USO1: variants seen among roughly 807,000 people sequenced by gnomAD.
USO1 encodes the protein general vesicular transport factor p115.
Under a neutral mutation model 124.5 loss-of-function variants are expected in USO1, and 57 were observed. That is an observed-to-expected ratio of 0.46 (90% CI 0.37 to 0.57). The LOEUF (loss-of-function observed/expected upper bound fraction) is 0.57. Ranked by LOEUF, USO1 falls within the 20% of genes least tolerant of loss-of-function variation. USO1 has a pLI of 0.00. For synonymous variants in USO1, 369 were observed against 362.8 expected, an observed-to-expected ratio of 1.02 and a Z score of -0.19; for missense variants, 900 against 1,040.6, an observed-to-expected ratio of 0.86 and a Z score of 1.86.
At chr4:75,810,299 A>C in intron 21 of USO1, 133 bp from the exon 22 acceptor site, 1 of 1,029,110 alleles carries the variant, frequency 9.7e-7, no homozygotes, top group Non-Finnish European at 1.3e-6. Flanking sequence ...GTTGCACATA[A>C]ATACATAAGG....
chr4:75,736,206 C>T (rs976271826), intron 1 of USO1, among the ~76,000 whole-genome samples: 2 of 150,818 alleles, frequency 1.3e-5, no homozygotes, highest in African/African-American at 2.4e-5. Flanking sequence ...GACCTTTATA[C>T]GTAATCATGC....
At chr4:75,792,326 T>C (rs1456061628) in intron 12 of USO1, among the ~76,000 whole-genome samples, 2 of 152,004 alleles carry the variant, frequency 1.3e-5, no homozygotes, top group South Asian at 4.1e-4. Flanking sequence ...CACCTGAAGG[T>C]AGGAGTTCAA....
At chr4:75,749,309 C>T (rs1402644681) in intron 1 of USO1, among the ~76,000 whole-genome samples, 1 of 151,930 alleles carries the variant, frequency 6.6e-6, no homozygotes, top group Non-Finnish European at 1.5e-5. Context: ...ATTTGAACAC[C>T]ATTAATTCAG....
chr4:75,749,901 G>A (rs993820256), intron 1 of USO1, among the ~76,000 whole-genome samples: 4 of 151,768 alleles, frequency 2.6e-5, no homozygotes, highest in Non-Finnish European at 4.4e-5. Flanking sequence ...ACAGGCACCC[G>A]TCACCAGGCC....
intron 1 of USO1, among the ~76,000 whole-genome samples, chr4:75,737,823 A>G (rs1720837627): frequency 6.6e-6 from 1 of 151,592 alleles, no homozygotes; most frequent in Admixed American, 6.6e-5. Context: ...ATACATTATT[A>G]TTATTATTAT....
intron 10 of USO1, among the ~76,000 whole-genome samples, chr4:75,789,841 C>G (rs1304942300): frequency 6.6e-6 from 1 of 151,390 alleles, no homozygotes; most frequent in Non-Finnish European, 1.5e-5. Context: ...ATTTAAAATG[C>G]CTGTCAAGTG....
At chr4:75,811,409 GC>G (rs528242659) in intron 22 of USO1, among the ~76,000 whole-genome samples, 2 of 151,526 alleles carry the variant, frequency 1.3e-5, no homozygotes, top group Non-Finnish European at 2.9e-5. Flanking sequence ...GCCCGCATTG[GC>G]CCCCCCCAAA....
intron 22 of USO1, among the ~76,000 whole-genome samples, chr4:75,810,832 G>A (rs1373970515): frequency 2.0e-5 from 3 of 152,114 alleles, no homozygotes; most frequent in Non-Finnish European, 4.4e-5. Context: ...CCAGGTTCAA[G>A]CAATTCTCCC....
At chr4:75,790,278 A>G in intron 11 of USO1, 40 bp downstream of exon 11, 1 of 1,556,372 alleles carries the variant, frequency 6.4e-7, no homozygotes, top group Non-Finnish European at 8.7e-7. Context: ...TGAGGAAGTA[A>G]AAACTTTGGG....
Position 75,724,804 on chromosome 4 carries a change from G to A in USO1, c.-16G>A. On this transcript the variant is annotated 5_prime_UTR_variant, in exon 1 of 24. It adds an upstream start codon to the 5' untranslated region. Coordinates refer to ENST00000514213, the MANE Select transcript of USO1 (RefSeq NM_003715.4). ...TTTTCCGGAGGGGCCGGTAAACCTG[G>A]TGGCTGAACGGCAAGATGAATTTCC... 1 of 1,613,880 alleles carries A rather than the reference G, an allele frequency of 6.2e-7. No homozygotes were observed. Among genetic ancestry groups the A allele is most frequent in the Non-Finnish European group, 8.5e-7 (1 of 1,179,842 alleles).
intron 4 of USO1, among the ~76,000 whole-genome samples, chr4:75,761,241 T>G (rs183846946): frequency 7.2e-5 from 11 of 152,328 alleles, no homozygotes; most frequent in Admixed American, 6.5e-4. Context: ...AAAAAAGTTT[T>G]TAGACAGTTC....
intron 4 of USO1, among the ~76,000 whole-genome samples, chr4:75,763,303 G>A (rs1721675688): frequency 6.6e-6 from 1 of 152,132 alleles, no homozygotes. Context: ...TGGTGTGAAA[G>A]CAATATACAT....
chr4:75,776,286 A>C (rs1168876900), intron 8 of USO1, among the ~76,000 whole-genome samples: 1 of 152,212 alleles, frequency 6.6e-6, no homozygotes, highest in Non-Finnish European at 1.5e-5. Flanking sequence ...CTTTCACTTG[A>C]GAACATTACA....
At chr4:75,798,255 C>A (rs1722745377) in intron 13 of USO1, among the ~76,000 whole-genome samples, 1 of 152,074 alleles carries the variant, frequency 6.6e-6, no homozygotes, top group Non-Finnish European at 1.5e-5. Flanking sequence ...ACTCATACAT[C>A]AGCCAGTGAT....
intron 8 of USO1, among the ~76,000 whole-genome samples, chr4:75,775,096 A>G (rs1722037282): frequency 6.6e-6 from 1 of 152,128 alleles, no homozygotes; most frequent in Admixed American, 6.5e-5. Context: ...CCTTTTGCAG[A>G]TTTGGTGATA....
Position 75,804,272 on chromosome 4 carries a change from G to C in USO1, c.2125G>C (p.Gly709Arg). 1.2e-6 allele frequency: 2 copies of C among 1,608,640 alleles called. No individual in the cohort carries two copies. The highest frequency in any genetic ancestry group is 1.7e-6 in the Non-Finnish European group (2 of 1,177,364). ...DQYNLLKIQL[G>R]KDNQHQGSYS... ...GTATAATCTTCTTAAAATACAGCTA[G>C]GTAAGCATAGCTAAGCCATCACTAT... is the stretch of plus-strand genomic sequence containing the variant. The change falls in exon 18 of 24, where the codon GGA becomes CGA. Residue 709 changes from glycine to arginine, a missense_variant and splice_region_variant. By Grantham distance (125) the Gly-to-Arg change is moderately radical. This residue lies in a region of USO1 where 362 missense variants were observed against 359.0 expected (regional missense o/e 1.01). Coordinates refer to ENST00000514213, the MANE Select transcript of USO1 (RefSeq NM_003715.4).
intron 12 of USO1, among the ~76,000 whole-genome samples, chr4:75,791,831 A>C (rs1266751734): frequency 6.6e-6 from 1 of 152,192 alleles, no homozygotes; most frequent in African/African-American, 2.4e-5. Context: ...ATTACCATAA[A>C]AAATTATTGA....
chr4:75,805,751 T>A (rs1280770793), intron 19 of USO1, among the ~76,000 whole-genome samples: 2 of 151,492 alleles, frequency 1.3e-5, no homozygotes, highest in African/African-American at 4.9e-5. Context: ...AGCTTTAGAG[T>A]CAAACTGTTT....
intron 8 of USO1, among the ~76,000 whole-genome samples, chr4:75,775,987 C>T (rs561264678): frequency 4.6e-5 from 7 of 152,140 alleles, no homozygotes; most frequent in East Asian, 1.9e-4. Flanking sequence ...AGGTATTAGA[C>T]GGGTTGCTGT....
Sources: allele counts gnomAD v4.1 joint callset (sites outside exome capture counted in the v4.1 genomes callset), GRCh38; gene constraint gnomAD v4.1.1; regional missense constraint gnomAD v4.1.1; transcripts MANE v1.5; gene names NCBI Gene and HGNC (gene_info 2026-07-23, HGNC 2026-07-21).